LRRTM3: variants seen among roughly 807,000 people sequenced by gnomAD.
The protein encoded by LRRTM3 is leucine-rich repeat transmembrane neuronal protein 3.
In LRRTM3, 24 loss-of-function variants were observed where a neutral mutation model predicts 44.7. The observed-to-expected ratio is 0.54, with a 90% confidence interval of 0.39 to 0.76. LRRTM3 has a LOEUF of 0.76. Among genes scored for constraint, LRRTM3 ranks in the 30% least tolerant of loss-of-function variants. The pLI is 0.00. For missense variants in LRRTM3, 587 were observed against 702.2 expected (o/e 0.84, Z 1.85); for synonymous variants, 277 against 278.7 (o/e 0.99, Z 0.06).
At chr10:66,946,144 A>C (rs538186841) in intron 2 of LRRTM3, among the ~76,000 whole-genome samples, 1 of 152,328 alleles carries the variant, frequency 6.6e-6, no homozygotes, top group East Asian at 1.9e-4. Flanking sequence ...AAAAATCATA[A>C]TATCTGCAAA....
chr10:66,949,854 G>T (rs1043355114), intron 2 of LRRTM3, among the ~76,000 whole-genome samples: 1 of 152,154 alleles, frequency 6.6e-6, no homozygotes, highest in African/African-American at 2.4e-5. Context: ...GTGCAGAGAG[G>T]AATGGATACT....
At chr10:67,074,664 T>A (rs1326897417) in intron 2 of LRRTM3, among the ~76,000 whole-genome samples, 1 of 152,216 alleles carries the variant, frequency 6.6e-6, no homozygotes, top group Non-Finnish European at 1.5e-5. Flanking sequence ...TTAACTCTTT[T>A]CATACAAATT....
chr10:66,963,598 T>C lies in LRRTM3; in HGVS notation c.1536+35146T>C, dbSNP rs558688309. Among the ~76,000 whole-genome samples, 4 of 152,266 alleles carry C rather than the reference T, an allele frequency of 2.6e-5. No homozygotes were observed. The South Asian group carries it at 8.3e-4, about 32-fold the overall frequency. ...TGGTAGTTTGGGTAGAGAGGTTTAC[T>C]GGGTTCACCCTAACCCTGACAGTTC... is the stretch of plus-strand genomic sequence containing the variant. On this transcript the variant is annotated intron_variant, in intron 2 of 2. Transcript: ENST00000361320.
At chr10:67,089,981 G>A (rs1179142965) in intron 2 of LRRTM3, among the ~76,000 whole-genome samples, 1 of 151,924 alleles carries the variant, frequency 6.6e-6, no homozygotes, top group Non-Finnish European at 1.5e-5. Flanking sequence ...AGTCTCATAT[G>A]AAACAAAATA....
chr10:67,074,096 C>T (rs1226239112), intron 2 of LRRTM3, among the ~76,000 whole-genome samples: 3 of 128,744 alleles, frequency 2.3e-5, no homozygotes, highest in African/African-American at 6.1e-5. Context: ...AGTGCAGTGG[C>T]GCCATCTTGG....
At chr10:67,086,365 G>A (rs980069297) in intron 2 of LRRTM3, among the ~76,000 whole-genome samples, 50 of 151,956 alleles carry the variant, frequency 3.3e-4, no homozygotes, top group African/African-American at 1.1e-3. Flanking sequence ...ACTTCATTTA[G>A]TTGGGAGATA....
intron 2 of LRRTM3, among the ~76,000 whole-genome samples, chr10:66,948,355 G>A (rs1188225832): frequency 6.6e-6 from 1 of 152,168 alleles, no homozygotes; most frequent in Non-Finnish European, 1.5e-5. Context: ...AAAATGGACA[G>A]AATGGGGAGA....
chr10:66,945,312 T>C (rs1848221872), intron 2 of LRRTM3, among the ~76,000 whole-genome samples: 1 of 152,224 alleles, frequency 6.6e-6, no homozygotes, highest in Non-Finnish European at 1.5e-5. Flanking sequence ...CTTCAAGCGT[T>C]GTGCTGTTTT....
chr10:67,020,208 C>T (rs1173688537), intron 2 of LRRTM3, among the ~76,000 whole-genome samples: 7 of 152,102 alleles, frequency 4.6e-5, no homozygotes. Flanking sequence ...CAATCTAAGC[C>T]AATCTTTAAA....
At position 67,089,754 on chromosome 10, in the gene LRRTM3, G is replaced by GTGTGT. The variant is rs1409692016; in HGVS notation, c.1537-7833_1537-7832insTGTGT. On this transcript the variant is annotated intron_variant, in intron 2 of 2. Transcript: ENST00000361320. ...GTGTGTGTGTGTGTGTGTGTGTGTG[G>GTGTGT]ACAGAAACACATATACTGTATTTGT... Among the ~76,000 whole-genome samples, 6 of 80,734 alleles carry GTGTGT rather than the reference G, an allele frequency of 7.4e-5. No individual in the cohort carries two copies. In the South Asian group the frequency reaches 1.8e-3, roughly 25 times the overall value. 53.0% of individuals were successfully genotyped at this position (80,734 alleles called of 152,430 possible). A position where few individuals can be genotyped will look rare whatever the true frequency, so the allele number is the denominator to read the frequency against.
Position 67,097,760 on chromosome 10 carries a change from T to C in LRRTM3, c.1710T>C (p.Ala570=). 6.2e-7 allele frequency: 1 copy of C among 1,612,428 alleles called. No homozygotes were observed. The highest frequency in any genetic ancestry group is 8.5e-7 in the Non-Finnish European group (1 of 1,178,954). The part of the protein sequence containing the change: ...TELDLSTITT[A]GRISDHKQQL... Reference sequence around the variant, plus strand: ...TGGACCTGAGCACAATCACAACAGCTGGCCGAATCAGTGACCATAAACAGC... The same window carrying C: ...TGGACCTGAGCACAATCACAACAGCCGGCCGAATCAGTGACCATAAACAGC... The change falls in exon 3 of 3, where the codon GCT becomes GCC. Residue 570 remains alanine, a synonymous_variant. Coordinates refer to ENST00000361320, the MANE Select transcript of LRRTM3 (RefSeq NM_178011.5).
At chr10:67,048,526 C>G (rs1165446440) in intron 2 of LRRTM3, among the ~76,000 whole-genome samples, 1 of 151,982 alleles carries the variant, frequency 6.6e-6, no homozygotes, top group Non-Finnish European at 1.5e-5. Flanking sequence ...TAATATACTG[C>G]AAGTTACTAA....
intron 2 of LRRTM3, among the ~76,000 whole-genome samples, chr10:66,955,275 G>C (rs555976120): frequency 2.7e-5 from 4 of 150,804 alleles, no homozygotes; most frequent in Admixed American, 2.6e-4. Flanking sequence ...GGAAGAAAAA[G>C]ATAACGATTA....
At chr10:67,008,001 A>G (rs902006081) in intron 2 of LRRTM3, among the ~76,000 whole-genome samples, 4 of 152,058 alleles carry the variant, frequency 2.6e-5, no homozygotes, top group Non-Finnish European at 5.9e-5. Flanking sequence ...AAATATAGCT[A>G]TACTTGAATT....
intron 2 of LRRTM3, among the ~76,000 whole-genome samples, chr10:67,030,573 AT>A (rs143158516): frequency 0.22 from 33,379 of 151,786 alleles, 4,693 homozygotes; most frequent in East Asian, 0.44. Context: ...AATTTTATAT[AT>A]TTTTATGAAG....
chr10:66,932,607 A>G (rs893957676), intron 2 of LRRTM3, among the ~76,000 whole-genome samples: 1 of 152,186 alleles, frequency 6.6e-6, no homozygotes, highest in Non-Finnish European at 1.5e-5. Flanking sequence ...AACAGAATAT[A>G]TAGGTAAATT....
chr10:66,942,472 A>T (rs1430590468), intron 2 of LRRTM3, among the ~76,000 whole-genome samples: 1 of 151,888 alleles, frequency 6.6e-6, no homozygotes, highest in East Asian at 1.9e-4. Flanking sequence ...ATTCAACATC[A>T]TTTCCATTTC....
intron 2 of LRRTM3, among the ~76,000 whole-genome samples, chr10:67,038,251 A>G (rs1326236446): frequency 2.0e-5 from 3 of 152,138 alleles, no homozygotes; most frequent in Admixed American, 1.3e-4. Flanking sequence ...TTCTAAAAAA[A>G]TCTATCCTCC....
intron 2 of LRRTM3, among the ~76,000 whole-genome samples, chr10:67,061,958 ATC>A (rs1210751307): frequency 5.3e-5 from 8 of 151,970 alleles, no homozygotes; most frequent in Non-Finnish European, 8.8e-5. Flanking sequence ...TGTAAAAAAA[ATC>A]AATCTTAGGA....
Sources: gnomAD v4.1 joint callset for allele counts (sites outside exome capture counted in the v4.1 genomes callset) on GRCh38, gnomAD v4.1.1 for gene constraint, MANE v1.5 for transcripts, NCBI Gene and HGNC (gene_info 2026-07-23, HGNC 2026-07-21) for gene names.